The following BRINP2 variants were observed in gnomAD, a reference collection of about 807,000 sequenced individuals.
The protein encoded by BRINP2 is BMP/retinoic acid inducible neural specific 2.
In BRINP2, 21 loss-of-function variants were observed where a neutral mutation model predicts 69.2. The ratio of observed to expected loss-of-function variants is 0.30; its 90% CI spans 0.22 to 0.44. The LOEUF (loss-of-function observed/expected upper bound fraction) is 0.44. BRINP2 is among the 20% of genes least tolerant of loss of function. The probability of loss-of-function intolerance (pLI) is 1.00; values close to 1 mark genes in which losing one functional copy is unlikely to be tolerated. For synonymous variants in BRINP2, 380 were observed against 394.1 expected (o/e 0.96, Z 0.42); for missense variants, 877 against 986.0 (o/e 0.89, Z 1.48).
chr1:177,185,789 A>G (rs1312355563), intron 1 of BRINP2, among the ~76,000 whole-genome samples: 1 of 152,150 alleles, frequency 6.6e-6, no homozygotes, highest in African/African-American at 2.4e-5. Flanking sequence ...GTGTGCCTTG[A>G]GAGCCTACCC....
intron 6 of BRINP2, among the ~76,000 whole-genome samples, chr1:177,277,407 T>G (rs997196022): frequency 6.6e-6 from 1 of 151,998 alleles, no homozygotes; most frequent in African/African-American, 2.4e-5. Context: ...TTTGCTTTAT[T>G]TCTTAAAGAA....
At chr1:177,202,263 T>C (rs1228653061) in intron 1 of BRINP2, among the ~76,000 whole-genome samples, 1 of 152,300 alleles carries the variant, frequency 6.6e-6, no homozygotes, top group East Asian at 1.9e-4. Flanking sequence ...GTGTTTGCTC[T>C]TGCTTCTCTA....
At chr1:177,246,356 G>A (rs1045774320) in intron 2 of BRINP2, among the ~76,000 whole-genome samples, 1 of 152,220 alleles carries the variant, frequency 6.6e-6, no homozygotes, top group Non-Finnish European at 1.5e-5. Context: ...CTAGTCAACT[G>A]AGACTTGGGG....
intron 1 of BRINP2, among the ~76,000 whole-genome samples, chr1:177,222,875 G>A (rs550875461): frequency 2.0e-5 from 3 of 152,162 alleles, no homozygotes; most frequent in Non-Finnish European, 4.4e-5. Context: ...AAGGCAGATT[G>A]GTTCTCAGGG....
At chr1:177,179,350 G>C (rs1369142225) in intron 1 of BRINP2, among the ~76,000 whole-genome samples, 3 of 152,104 alleles carry the variant, frequency 2.0e-5, no homozygotes, top group Non-Finnish European at 4.4e-5. Flanking sequence ...GAGAAAAATT[G>C]TTTCTTCTAT....
At chr1:177,227,389 A>C (rs1239341502) in intron 1 of BRINP2, among the ~76,000 whole-genome samples, 1 of 152,250 alleles carries the variant, frequency 6.6e-6, no homozygotes, top group East Asian at 1.9e-4. Flanking sequence ...TTAATTGCTA[A>C]TGTTAGAATT....
chr1:177,249,224 A>G (rs538733177), intron 2 of BRINP2, among the ~76,000 whole-genome samples: 2 of 152,234 alleles, frequency 1.3e-5, no homozygotes, highest in South Asian at 4.1e-4. Context: ...GGTTTTTATT[A>G]ATGATTTTAT....
intron 1 of BRINP2, among the ~76,000 whole-genome samples, chr1:177,187,940 C>T (rs1303014786): frequency 6.6e-6 from 1 of 152,152 alleles, no homozygotes; most frequent in Non-Finnish European, 1.5e-5. Flanking sequence ...AATTCCAGCA[C>T]ACCTGTTCTC....
chr1:177,224,026 G>C (rs984140076), intron 1 of BRINP2, among the ~76,000 whole-genome samples: 2 of 152,134 alleles, frequency 1.3e-5, no homozygotes, highest in African/African-American at 4.8e-5. Context: ...TGCAACAAGA[G>C]GGAAGAATAA....
intron 4 of BRINP2, among the ~76,000 whole-genome samples, chr1:177,265,023 C>T (rs918876563): frequency 1.3e-5 from 2 of 152,156 alleles, no homozygotes; most frequent in African/African-American, 4.8e-5. Context: ...AAGCACAAAG[C>T]TGGAGGCATC....
intron 4 of BRINP2, among the ~76,000 whole-genome samples, chr1:177,269,739 G>T (rs148667100): frequency 3.9e-5 from 6 of 152,208 alleles, no homozygotes; most frequent in Non-Finnish European, 5.9e-5. Flanking sequence ...AAAGTGGACG[G>T]TGGAGGGTGG....
intron 5 of BRINP2, among the ~76,000 whole-genome samples, chr1:177,275,462 T>C (rs1000691215): frequency 6.6e-6 from 1 of 152,206 alleles, no homozygotes; most frequent in African/African-American, 2.4e-5. Context: ...TATATAGTAT[T>C]AGCTGATGAG....
At chr1:177,189,561 T>C (rs1648528722) in intron 1 of BRINP2, among the ~76,000 whole-genome samples, 1 of 152,152 alleles carries the variant, frequency 6.6e-6, no homozygotes, top group African/African-American at 2.4e-5. Context: ...ACAATCAGAG[T>C]ACTAATCTGT....
At chr1:177,211,945 TG>T (rs1011052272) in intron 1 of BRINP2, among the ~76,000 whole-genome samples, 17 of 152,212 alleles carry the variant, frequency 1.1e-4, no homozygotes, top group Non-Finnish European at 4.4e-5. Flanking sequence ...CCATAATTTT[TG>T]TGCATGTATT....
intron 2 of BRINP2, among the ~76,000 whole-genome samples, chr1:177,240,171 G>A (rs997627150): frequency 6.6e-6 from 1 of 152,190 alleles, no homozygotes; most frequent in Non-Finnish European, 1.5e-5. Flanking sequence ...GGACACACTG[G>A]TGACGAAGGA....
chr1:177,183,146 T>TC (rs1648313166), intron 1 of BRINP2, among the ~76,000 whole-genome samples: 1 of 145,682 alleles, frequency 6.9e-6, no homozygotes, highest in Non-Finnish European at 1.5e-5. Flanking sequence ...GCTTTTTTTT[T>TC]TTTTTTTTTT....
At chr1:177,209,245 T>C (rs2102309586) in intron 1 of BRINP2, among the ~76,000 whole-genome samples, 1 of 151,706 alleles carries the variant, frequency 6.6e-6, no homozygotes, top group South Asian at 2.1e-4. Flanking sequence ...AAAAAAGATC[T>C]GAAACCATCT....
At chr1:177,278,853 A>G in intron 7 of BRINP2, 68 bp downstream of exon 7, 2 of 1,498,512 alleles carry the variant, frequency 1.3e-6, no homozygotes, top group Non-Finnish European at 1.8e-6. Flanking sequence ...GGCCAAGGAG[A>G]ACCCTCTGTC....
Position 177,266,121 on chromosome 1 carries a change from A to AAATAATAAT in BRINP2, c.670-7350_670-7342dup, listed in dbSNP as rs55687261. ...GGTGACAGAGTGAGACTCCATCTCA[A>AAATAATAAT]AATAATAATAATAATAATAATAATA... On this transcript the variant is annotated intron_variant, in intron 4 of 7. Coordinates refer to ENST00000361539, the MANE Select transcript of BRINP2 (RefSeq NM_021165.4). Among the ~76,000 whole-genome samples, 1,156 of 148,012 alleles carry AAATAATAAT rather than the reference A, an allele frequency of 7.8e-3. 11 individuals carry two copies. The highest frequency in any genetic ancestry group is 0.02 in the Admixed American group (299 of 14,842).
Sources: allele counts gnomAD v4.1 joint callset (sites outside exome capture counted in the v4.1 genomes callset), GRCh38; gene constraint gnomAD v4.1.1; transcripts MANE v1.5; gene names NCBI Gene and HGNC (gene_info 2026-07-23, HGNC 2026-07-21).